The following COLEC11 variants were observed in gnomAD, a reference collection of about 807,000 sequenced individuals.
The protein encoded by COLEC11 is collectin subfamily member 11.
A neutral mutation model predicts 27.3 loss-of-function variants in COLEC11; 20 were observed. The observed-to-expected ratio is 0.73, with a 90% CI of 0.51 to 1.06. COLEC11 has a LOEUF of 1.06. Ranked by LOEUF, COLEC11 falls within the 50% of genes least tolerant of loss-of-function variation. The pLI is 0.00. For missense variants in COLEC11, 310 were observed against 383.0 expected (o/e 0.81, Z 1.59); for synonymous variants, 163 against 154.7 (o/e 1.05, Z -0.40).
At chr2:3,603,938 C>T (rs1662430140) in intron 1 of COLEC11, 2 of 574,922 alleles carry the variant, frequency 3.5e-6, no homozygotes, top group Non-Finnish European at 6.2e-6. Flanking sequence ...TCCGCTGTGC[C>T]CAGCTCTGCA....
chr2:3,624,609 G>C (rs1361850512), intron 3 of COLEC11, among the ~76,000 whole-genome samples: 1 of 152,188 alleles, frequency 6.6e-6, no homozygotes, highest in East Asian at 1.9e-4. Flanking sequence ...GAGCTGTGTT[G>C]CTCAGCTCAC....
intron 1 of COLEC11, among the ~76,000 whole-genome samples, chr2:3,598,473 A>C (rs1662010174): frequency 6.6e-6 from 1 of 152,218 alleles, no homozygotes; most frequent in Non-Finnish European, 1.5e-5. Flanking sequence ...TGCCTGCTAA[A>C]CTGCAGGCTT....
rs1327418063 is a variant in COLEC11 at position 3,643,543 on chromosome 2, T to C, written c.424+4T>C. 9 of 1,611,090 alleles carry C rather than the reference T, an allele frequency of 5.6e-6. No homozygotes were observed. The highest frequency in any genetic ancestry group is 6.8e-6 in the Non-Finnish European group (8 of 1,177,618). On this transcript the variant is annotated splice_donor_region_variant and intron_variant, in intron 6 of 6. Transcript: ENST00000349077. ...GAGCTCAAGTTCATCAAGAATGGTA[T>C]GTGGCTCCCGGCGCCGCCCTCGCTC...
intron 3 of COLEC11, among the ~76,000 whole-genome samples, chr2:3,636,608 G>A (rs1032007331): frequency 4.6e-5 from 7 of 152,216 alleles, no homozygotes; most frequent in Non-Finnish European, 8.8e-5. Context: ...AAGAATTGCT[G>A]AGTTAAATCA....
rs887743827 is a variant in COLEC11, at chr2:3,602,840, C to T, written c.-26-1475C>T. ...CCACCTGTCAGCGAGGCTTCCCTGG[C>T]AACCATCCTGAACAGCAGCATGTGT... is the stretch of plus-strand genomic sequence containing the variant. On this transcript the variant is annotated intron_variant, in intron 1 of 6. Coordinates refer to ENST00000349077, the MANE Select transcript of COLEC11 (RefSeq NM_024027.5). The surrounding 1 kb of genome is among the most constrained non-coding windows in gnomAD (Gnocchi z 6.2). 1.3e-5 allele frequency among the ~76,000 whole-genome samples: 2 copies of T among 152,234 alleles called. No individual in the cohort carries two copies. The highest frequency in any genetic ancestry group is 2.9e-5 in the Non-Finnish European group (2 of 68,046).
At position 3,613,976 on chromosome 2, in the gene COLEC11, C is replaced by CTTTTTTTTTT. The variant is rs1461288131; in HGVS notation, c.202+597_202+598insTTTTTTTTTT. On this transcript the variant is annotated intron_variant, in intron 3 of 6. Coordinates refer to ENST00000349077, the MANE Select transcript of COLEC11 (RefSeq NM_024027.5). ...AAGTGTTTTTTCTTTTTCTTTCTTT[C>CTTTTTTTTTT]TTTCTTTTTTTTTTTTTTGAGACTG... 8.9e-3 allele frequency among the ~76,000 whole-genome samples: 813 copies of CTTTTTTTTTT among 90,886 alleles called. 22 individuals are homozygous for CTTTTTTTTTT. Among genetic ancestry groups the CTTTTTTTTTT allele is most frequent in the African/African-American group, 0.026 (744 of 28,564 alleles). The allele number at this position is 90,886 out of a possible 152,430, so 59.6% of individuals were successfully genotyped here.
Position 3,643,506 on chromosome 2 carries a change from C to G in COLEC11, c.391C>G (p.Gln131Glu). ...AIGEMDNQVS[Q>E]LTSELKFIKN... The stretch of plus-strand genomic sequence containing the variant: ...CGGGGAGATGGACAACCAGGTCTCT[C>G]AGCTGACCAGCGAGCTCAAGTTCAT... The change falls in exon 6 of 7, where the codon CAG (glutamine) becomes GAG (glutamate). Residue 131 changes from glutamine to glutamate, a missense_variant. Coordinates refer to ENST00000349077, the MANE Select transcript of COLEC11 (RefSeq NM_024027.5). The G allele has an allele frequency of 6.2e-7, 1 of 1,613,902 alleles. No individual in the cohort carries two copies. Among genetic ancestry groups the G allele is most frequent in the South Asian group, 1.1e-5 (1 of 91,090 alleles).
intron 3 of COLEC11, among the ~76,000 whole-genome samples, chr2:3,619,217 TTTC>T (rs1664005044): frequency 6.6e-6 from 1 of 151,748 alleles, no homozygotes; most frequent in Admixed American, 6.6e-5. Context: ...TCTCTTTCCT[TTTC>T]TTTCCTTTCC....
chr2:3,617,552 G>A (rs985025180), intron 3 of COLEC11: 121 of 1,593,276 alleles, frequency 7.6e-5, no homozygotes, highest in Non-Finnish European at 9.6e-5. Context: ...GCCTCACTAC[G>A]ATTTGCCTGC....
intron 2 of COLEC11, among the ~76,000 whole-genome samples, chr2:3,612,177 C>T (rs1663246997): frequency 6.6e-6 from 1 of 152,100 alleles, no homozygotes; most frequent in South Asian, 2.1e-4. Context: ...TCAGCGCACA[C>T]ACGCGCACAC....
At chr2:3,641,724 G>A (rs1036858076) in intron 5 of COLEC11, among the ~76,000 whole-genome samples, 3 of 152,146 alleles carry the variant, frequency 2.0e-5, no homozygotes, top group Non-Finnish European at 4.4e-5. Flanking sequence ...GTGGAGGGGG[G>A]GTGTCTCACG....
chr2:3,606,166 G>A, intron 2 of COLEC11: 1 of 1,550,528 alleles, frequency 6.4e-7, no homozygotes, highest in Non-Finnish European at 8.7e-7. Context: ...CTGGACTTTT[G>A]GCTGTGGAGG....
chr2:3,644,502 T>A lies in COLEC11; in HGVS notation c.*384T>A, dbSNP rs766595307. On this transcript the variant is annotated 3_prime_UTR_variant, in exon 7 of 7. Coordinates refer to ENST00000349077, the MANE Select transcript of COLEC11 (RefSeq NM_024027.5). ...GAATTACTACCTTTTAATTTCTATA[T>A]GGAAAAGAACTCACTTTGACCAACA... is the stretch of plus-strand genomic sequence containing the variant. 1.9e-5 allele frequency: 9 copies of A among 472,106 alleles called. No individual in the cohort carries two copies. The highest frequency in any genetic ancestry group is 1.4e-4 in the South Asian group (9 of 64,310). 29.2% of individuals were successfully genotyped at this position (472,106 alleles called of 1,614,324 possible). A position where few individuals can be genotyped will look rare whatever the true frequency, so the allele number is the denominator to read the frequency against.
chr2:3,616,671 A>G lies in COLEC11; in HGVS notation c.202+3289A>G, dbSNP rs559404679. Among the ~76,000 whole-genome samples the G allele has an allele frequency of 2.2e-3, 329 of 152,358 alleles. 1 individual carries two copies. Among genetic ancestry groups the G allele is most frequent in the African/African-American group, 7.2e-3 (298 of 41,578 alleles). On this transcript the variant is annotated intron_variant, in intron 3 of 6. Coordinates refer to ENST00000349077, the MANE Select transcript of COLEC11 (RefSeq NM_024027.5). ...GCACTCTGCAGGCTGAGGCAGGAGA[A>G]CCAGGCAGGGAGGTTGCAGTGAGCC...
chr2:3,609,535 A>AT lies in COLEC11; in HGVS notation c.131-3765dup, dbSNP rs61193398. On this transcript the variant is annotated intron_variant, in intron 2 of 6. Coordinates refer to ENST00000349077, the MANE Select transcript of COLEC11 (RefSeq NM_024027.5). ...CAGGTGCACAGCAACACATCCTGCT[A>AT]TTTTTTTTTTTGAAATGGAGTTTCG... Among the ~76,000 whole-genome samples the AT allele has an allele frequency of 9.2e-4, 135 of 146,864 alleles. 1 individual carries two copies. The highest frequency in any genetic ancestry group is 2.9e-3 in the African/African-American group (117 of 39,944).
chr2:3,640,191 C>G, intron 4 of COLEC11, 87 bp from the exon 5 acceptor site: 1 of 853,812 alleles, frequency 1.2e-6, no homozygotes, highest in Non-Finnish European at 2.0e-6. Flanking sequence ...ATCCGCGAGA[C>G]AAATCACATT....
chr2:3,600,421 G>A (rs892226658), intron 1 of COLEC11, among the ~76,000 whole-genome samples: 1 of 152,016 alleles, frequency 6.6e-6, no homozygotes, highest in Non-Finnish European at 1.5e-5. Context: ...CAGACATGGT[G>A]GTACATGCCT....
At chr2:3,636,096 C>G (rs1665389430) in intron 3 of COLEC11, among the ~76,000 whole-genome samples, 1 of 152,166 alleles carries the variant, frequency 6.6e-6, no homozygotes, top group South Asian at 2.1e-4. Flanking sequence ...CAGGGAAGTC[C>G]TTGGTTCTAA....
intron 1 of COLEC11, among the ~76,000 whole-genome samples, chr2:3,595,693 GA>G: frequency 6.6e-6 from 1 of 152,278 alleles, no homozygotes; most frequent in East Asian, 1.9e-4. Context: ...GAAAGACTTT[GA>G]GTTCAGATGG....
Sources: gnomAD v4.1 joint callset for allele counts (sites outside exome capture counted in the v4.1 genomes callset) on GRCh38, gnomAD v4.1.1 for gene constraint, Gnocchi (gnomAD v3.1) non-coding constraint, MANE v1.5 for transcripts, NCBI Gene and HGNC (gene_info 2026-07-23, HGNC 2026-07-21) for gene names.